Variants in CEP128 observed in about 807,000 individuals in gnomAD.
CEP128 encodes centrosomal protein 128kDa.
Under a neutral mutation model 156.7 loss-of-function variants are expected in CEP128, and 132 were observed. That is an observed-to-expected ratio of 0.84 (90% confidence interval 0.73 to 0.97). CEP128 has a LOEUF of 0.97. CEP128 is among the 50% of genes least tolerant of loss of function. The probability of loss-of-function intolerance (pLI) is 0.00; values close to 1 mark genes in which losing one functional copy is unlikely to be tolerated. For missense variants in CEP128, 1,252 were observed against 1,281.9 expected (o/e 0.98, Z 0.36); for synonymous variants, 469 against 448.9 (o/e 1.04, Z -0.57).
intron 9 of CEP128, among the ~76,000 whole-genome samples, chr14:80,857,233 A>G (rs953774691): frequency 7.8e-5 from 11 of 140,712 alleles, no homozygotes; most frequent in Non-Finnish European, 3.1e-5. Flanking sequence ...TTTTTTTTAC[A>G]GTTTTTTTTT....
At chr14:80,536,514 T>C (rs1457771344) in intron 21 of CEP128, among the ~76,000 whole-genome samples, 5 of 152,204 alleles carry the variant, frequency 3.3e-5, no homozygotes, top group African/African-American at 1.2e-4. Flanking sequence ...TCTATTTCAT[T>C]TGGAAACAGA....
chr14:80,824,590 T>C (rs1285886153), intron 13 of CEP128, among the ~76,000 whole-genome samples: 1 of 152,160 alleles, frequency 6.6e-6, no homozygotes, highest in African/African-American at 2.4e-5. Flanking sequence ...AGGAGCAATA[T>C]ACCACCTGTC....
intron 2 of CEP128, chr14:80,956,054 C>T (rs1886659406): frequency 3.1e-6 from 2 of 648,750 alleles, no homozygotes; most frequent in South Asian, 1.8e-5. Context: ...TGTTGACATC[C>T]TCATTCCCAA....
At chr14:80,618,730 A>G (rs996118972) in intron 19 of CEP128, among the ~76,000 whole-genome samples, 1 of 152,192 alleles carries the variant, frequency 6.6e-6, no homozygotes, top group African/African-American at 2.4e-5. Flanking sequence ...AGATTCCTAT[A>G]TGAAGCTGGG....
intron 14 of CEP128, among the ~76,000 whole-genome samples, chr14:80,481,021 C>A (rs980140558): frequency 6.6e-6 from 1 of 152,150 alleles, no homozygotes; most frequent in Non-Finnish European, 1.5e-5. Flanking sequence ...CCTTCTGAGC[C>A]CTCCAAACTG....
intron 8 of CEP128, 87 bp from the exon 9 acceptor site, chr14:80,862,960 ACT>A: frequency 1.2e-6 from 1 of 862,920 alleles, no homozygotes; most frequent in East Asian, 2.5e-5. Context: ...TAGCAGATAC[ACT>A]ACTGCTTAAA....
At chr14:80,695,062 AAAG>A in intron 19 of CEP128, among the ~76,000 whole-genome samples, 1 of 152,238 alleles carries the variant, frequency 6.6e-6, no homozygotes. Context: ...GAAGGAAAGA[AAAG>A]AAACTACAGT....
chr14:80,905,980 A>G lies in CEP128; in HGVS notation c.336T>C (p.Ser112=). The part of the protein sequence containing the change: ...RSISVTSLSA[S]DLDGGTGSEL... ...CTGACCCAGTGCCACCATCAAGGTC[A>G]CTTGCACTCAAACTTGTAACAGAAA... Residue 112 remains serine (S), a synonymous_variant, in exon 5 of 25, where the codon AGT becomes AGC. Coordinates refer to ENST00000555265, the MANE Select transcript of CEP128 (RefSeq NM_152446.5). 6 of 1,613,346 alleles carry G rather than the reference A, an allele frequency of 3.7e-6. No individual in the cohort carries two copies. Among genetic ancestry groups the G allele is most frequent in the Non-Finnish European group, 5.1e-6 (6 of 1,179,644 alleles).
At chr14:80,561,917 T>TATATATATA (rs1463564179) in intron 20 of CEP128, among the ~76,000 whole-genome samples, 1 of 148,098 alleles carries the variant, frequency 6.8e-6, no homozygotes, top group Non-Finnish European at 1.5e-5. Context: ...TATATATTTG[T>TATATATATA]TTTGTTTTGT....
In CEP128 at chr14:80,788,364, T is replaced by C. The variant is rs75884541; in HGVS notation, c.1561-2819A>G. On this transcript the variant is annotated intron_variant, in intron 14 of 24. Coordinates refer to ENST00000555265, the MANE Select transcript of CEP128 (RefSeq NM_152446.5). ...ACTAATTTCAGTTTGGATAAATAATTCAACTTTTCCAAACCTAAGGGGTTC... is the reference window on the plus strand; with the variant it reads ...ACTAATTTCAGTTTGGATAAATAATCCAACTTTTCCAAACCTAAGGGGTTC... 5.0e-3 allele frequency among the ~76,000 whole-genome samples: 730 copies of C among 145,268 alleles called. 17 individuals carry two copies. The highest frequency in any genetic ancestry group is 0.04 in the East Asian group (193 of 4,780).
chr14:80,481,897 G>A (rs540647423), intron 14 of CEP128, among the ~76,000 whole-genome samples: 17 of 152,280 alleles, frequency 1.1e-4, no homozygotes, highest in Admixed American at 1.1e-3. Context: ...AATATTATCT[G>A]GGATGACAAA....
At chr14:80,735,183 A>G (rs889230695) in intron 19 of CEP128, among the ~76,000 whole-genome samples, 11 of 152,172 alleles carry the variant, frequency 7.2e-5, no homozygotes, top group Non-Finnish European at 1.6e-4. Context: ...TTAACACTAT[A>G]GTACAAGTCA....
intron 19 of CEP128, among the ~76,000 whole-genome samples, chr14:80,595,325 G>T (rs545424360): frequency 1.3e-5 from 2 of 152,260 alleles, no homozygotes; most frequent in East Asian, 3.9e-4. Context: ...CTGTCAGGGG[G>T]TGGGAGGACT....
intron 8 of CEP128, among the ~76,000 whole-genome samples, chr14:80,887,360 T>C (rs1278786595): frequency 6.6e-6 from 1 of 152,182 alleles, no homozygotes; most frequent in African/African-American, 2.4e-5. Flanking sequence ...TATTATAAAA[T>C]TGACCACATC....
At chr14:80,875,686 G>A (rs1406054916) in intron 8 of CEP128, among the ~76,000 whole-genome samples, 1 of 152,182 alleles carries the variant, frequency 6.6e-6, no homozygotes, top group Non-Finnish European at 1.5e-5. Flanking sequence ...TGCCTCAGTT[G>A]AAGAGAGATT....
At chr14:80,913,282 A>C (rs1884352889) in intron 4 of CEP128, among the ~76,000 whole-genome samples, 1 of 152,206 alleles carries the variant, frequency 6.6e-6, no homozygotes, top group Admixed American at 6.5e-5. Flanking sequence ...TTATAATAAA[A>C]AGAAAAACTA....
intron 18 of CEP128, among the ~76,000 whole-genome samples, chr14:80,745,409 A>G (rs1254250674): frequency 6.6e-6 from 1 of 152,180 alleles, no homozygotes; most frequent in African/African-American, 2.4e-5. Flanking sequence ...AAACTAATAC[A>G]ATGATCAAGT....
intron 13 of CEP128, among the ~76,000 whole-genome samples, chr14:80,829,766 G>A (rs1214028034): frequency 6.6e-6 from 1 of 152,126 alleles, no homozygotes; most frequent in Non-Finnish European, 1.5e-5. Flanking sequence ...TAACCCAAGA[G>A]GACTCAAATT....
At chr14:80,791,735 C>A (rs1362226110) in intron 14 of CEP128, among the ~76,000 whole-genome samples, 1 of 152,182 alleles carries the variant, frequency 6.6e-6, no homozygotes, top group African/African-American at 2.4e-5. Flanking sequence ...GAAAAGCAAT[C>A]CACAGTGAGT....
Sources: gnomAD v4.1 joint callset for allele counts (sites outside exome capture counted in the v4.1 genomes callset) on GRCh38, gnomAD v4.1.1 for gene constraint, MANE v1.5 for transcripts, NCBI Gene and HGNC (gene_info 2026-07-23, HGNC 2026-07-21) for gene names.